The following TCF20 variants were observed in gnomAD, a reference collection of about 807,000 sequenced individuals.
TCF20 encodes the protein SPRE-binding protein.
In TCF20, 3 loss-of-function variants were observed where a neutral mutation model predicts 148.6. The ratio of observed to expected loss-of-function variants is 0.02; its 90% confidence interval spans 0.01 to 0.05. The LOEUF (loss-of-function observed/expected upper bound fraction) is 0.05, where lower values mean the gene tolerates loss of function less well. Among genes scored for constraint, TCF20 ranks in the 10% least tolerant of loss-of-function variants. The probability of loss-of-function intolerance (pLI) is 1.00; values close to 1 mark genes in which losing one functional copy is unlikely to be tolerated. For synonymous variants in TCF20, 1,049 were observed against 909.5 expected (o/e 1.15, Z -2.76); for missense variants, 2,350 against 2,429.3 (o/e 0.97, Z 0.69).
chr22:42,331,339 T>C (rs2147058556), intron 1 of TCF20, among the ~76,000 whole-genome samples: 1 of 152,230 alleles, frequency 6.6e-6, no homozygotes, highest in African/African-American at 2.4e-5. Flanking sequence ...AGAGACCTAC[T>C]GTGTGCTCCC....
At chr22:42,260,550 T>C (rs927873562) in intron 1 of TCF20, among the ~76,000 whole-genome samples, 2 of 152,130 alleles carry the variant, frequency 1.3e-5, no homozygotes, top group African/African-American at 2.4e-5. Context: ...CATATATGTA[T>C]ATGGTTTTTG....
chr22:42,321,903 C>T (rs182877413), intron 1 of TCF20, among the ~76,000 whole-genome samples: 26 of 150,818 alleles, frequency 1.7e-4, no homozygotes, highest in East Asian at 1.6e-3. Flanking sequence ...GCTGAGATCA[C>T]GCCACTGCAC....
intron 1 of TCF20, among the ~76,000 whole-genome samples, chr22:42,217,976 T>C (rs1921978314): frequency 6.6e-6 from 1 of 152,222 alleles, no homozygotes; most frequent in South Asian, 2.1e-4. Flanking sequence ...TAAACATTCA[T>C]GTGCAAATAA....
chr22:42,181,328 C>T (rs1305004128), intron 2 of TCF20, among the ~76,000 whole-genome samples: 4 of 151,858 alleles, frequency 2.6e-5, no homozygotes, highest in Non-Finnish European at 4.4e-5. Flanking sequence ...GGATTACAGG[C>T]GTATGCCACC....
At chr22:42,340,860 G>C (rs1237716145) in intron 1 of TCF20, among the ~76,000 whole-genome samples, 1 of 152,000 alleles carries the variant, frequency 6.6e-6, no homozygotes, top group Non-Finnish European at 1.5e-5. Context: ...AGGGGAAAGG[G>C]GAGGGGAAAG....
rs1305214521 is a variant in TCF20 at position 42,279,195 on chromosome 22, A to C, written c.-37+4632T>G. Among the ~76,000 whole-genome samples, 1 of 152,040 alleles carries C rather than the reference A, an allele frequency of 6.6e-6. No individual in the cohort carries two copies. Among genetic ancestry groups the C allele is most frequent in the African/African-American group, 2.4e-5 (1 of 41,364 alleles). On this transcript the variant is annotated intron_variant, in intron 1 of 5. Coordinates refer to the TCF20 transcript ENST00000359486. This position sits in a 1 kb window ranked among gnomAD's most constrained non-coding sequence, Gnocchi z 4.3. ...TCATCTGCCTCTGTGCCTTCTTGGTAGTAGGTGGGTGTGAAAAAGAAAGGA... is the reference window on the plus strand; with the variant it reads ...TCATCTGCCTCTGTGCCTTCTTGGTCGTAGGTGGGTGTGAAAAAGAAAGGA...
rs146668082 is a variant in TCF20, at chr22:42,195,937, A to G, written c.5655+13714T>C. 9.8e-3 allele frequency among the ~76,000 whole-genome samples: 1,498 copies of G among 152,216 alleles called. 12 individuals carry two copies. The highest frequency in any genetic ancestry group is 0.013 in the Non-Finnish European group (917 of 67,998). On this transcript the variant is annotated intron_variant, in intron 2 of 5. Coordinates refer to ENST00000677622, the MANE Select transcript of TCF20 (RefSeq NM_001378418.1). ...ATTTACCCTGCACTGATCACCCCCC[A>G]TGCCAGGCATTAGGGTGGGCTCTGG...
At chr22:42,181,114 C>A (rs1003442728) in intron 2 of TCF20, among the ~76,000 whole-genome samples, 1 of 152,236 alleles carries the variant, frequency 6.6e-6, no homozygotes, top group Non-Finnish European at 1.5e-5. Context: ...ATCTCAGAAT[C>A]AAAAGGACTA....
rs764609499 is a variant in TCF20, at chr22:42,212,415, T to C, written c.2891A>G (p.Asn964Ser). Residue 964 changes from asparagine to serine, a missense_variant, in exon 2 of 6, where the codon AAT becomes AGT. Asn to Ser is a conservative substitution (Grantham distance 46, BLOSUM62 1). Coordinates refer to ENST00000677622, the MANE Select transcript of TCF20 (RefSeq NM_001378418.1). ...ATGGGTTGCTGCTCCAGGGCTGGCA[T>C]TGCCGCGGTAAGACTCATGCTTGAT... is the stretch of plus-strand genomic sequence containing the variant. ...PSIKHESYRG[N>S]ASPGAATHDS... The C allele has an allele frequency of 1.1e-5, 17 of 1,614,082 alleles. No individual in the cohort carries two copies. The highest frequency in any genetic ancestry group is 6.7e-5 in the Admixed American group (4 of 60,004).
intron 1 of TCF20, among the ~76,000 whole-genome samples, chr22:42,293,610 A>C (rs1403441373): frequency 6.6e-6 from 1 of 152,134 alleles, no homozygotes; most frequent in Non-Finnish European, 1.5e-5. Flanking sequence ...GAGGGTAGGG[A>C]GGAGGCCTGG....
intron 2 of TCF20, among the ~76,000 whole-genome samples, chr22:42,203,056 C>T (rs1305960863): frequency 6.6e-6 from 1 of 152,140 alleles, no homozygotes; most frequent in Non-Finnish European, 1.5e-5. Context: ...GTTTAACATC[C>T]CAGGGATGAG....
intron 1 of TCF20, among the ~76,000 whole-genome samples, chr22:42,240,747 G>GC (rs1170363806): frequency 6.6e-6 from 1 of 152,106 alleles, no homozygotes; most frequent in Non-Finnish European, 1.5e-5. Flanking sequence ...GTGAACTGAG[G>GC]CCCCATAGGG....
In TCF20 at chr22:42,161,087, C is replaced by A. The variant is rs1935420084; in HGVS notation, c.*316G>T. The A allele has an allele frequency of 5.1e-6, 2 of 393,754 alleles. No individual in the cohort carries two copies. Among genetic ancestry groups the A allele is most frequent in the Non-Finnish European group, 9.1e-6 (2 of 220,926 alleles). 24.4% of individuals were successfully genotyped at this position (393,754 alleles called of 1,614,324 possible). A position where few individuals can be genotyped will look rare whatever the true frequency, so the allele number is the denominator to read the frequency against. On this transcript the variant is annotated 3_prime_UTR_variant, in exon 6 of 6. Coordinates refer to ENST00000677622, the MANE Select transcript of TCF20 (RefSeq NM_001378418.1). The stretch of plus-strand genomic sequence containing the variant: ...ATATATTTATCCCTCCCTTTTAATT[C>A]CCCCCACCCTTTCCCCATCATCCCA...
At chr22:42,313,786 G>A (rs1454627853) in intron 1 of TCF20, among the ~76,000 whole-genome samples, 1 of 152,078 alleles carries the variant, frequency 6.6e-6, no homozygotes, top group African/African-American at 2.4e-5. Context: ...TTTTAGTAGA[G>A]ACAGGGTTTC....
chr22:42,324,556 TGAGAAAATAATCTCCACCATTG>T (rs1927836532), intron 1 of TCF20, among the ~76,000 whole-genome samples: 3 of 151,740 alleles, frequency 2.0e-5, no homozygotes, highest in Non-Finnish European at 4.4e-5. Context: ...CTCCACCATT[TGAGAAAATAATCTCCACCATTG>T]GAGAAAATAA....
chr22:42,332,576 T>C (rs1436339026), intron 1 of TCF20, among the ~76,000 whole-genome samples: 1 of 152,158 alleles, frequency 6.6e-6, no homozygotes, highest in African/African-American at 2.4e-5. Flanking sequence ...CCATCTCGGC[T>C]CACTGCAACC....
intron 2 of TCF20, among the ~76,000 whole-genome samples, chr22:42,193,433 G>C (rs905242900): frequency 6.6e-6 from 1 of 151,660 alleles, no homozygotes; most frequent in Non-Finnish European, 1.5e-5. Flanking sequence ...CTGGGCTAGA[G>C]GAATCCTCTT....
chr22:42,215,392 T>A (rs1010439284), intron 1 of TCF20, 51 bp from the exon 2 acceptor site: 4 of 1,508,002 alleles, frequency 2.7e-6, no homozygotes, highest in Non-Finnish European at 3.5e-6. Context: ...TTGGTACAAA[T>A]AAAATCAAGT....
chr22:42,172,639 T>C (rs5758624), intron 3 of TCF20, among the ~76,000 whole-genome samples: 1 of 152,376 alleles, frequency 6.6e-6, no homozygotes, highest in East Asian at 1.9e-4. Context: ...CTCCTCATTA[T>C]AAGCTCTGTG....
Sources: gnomAD v4.1 joint callset for allele counts (sites outside exome capture counted in the v4.1 genomes callset) on GRCh38, gnomAD v4.1.1 for gene constraint, Gnocchi (gnomAD v3.1) non-coding constraint, MANE v1.5 for transcripts, NCBI Gene and HGNC (gene_info 2026-07-23, HGNC 2026-07-21) for gene names.